The following UNC13C variants were observed in gnomAD, a reference collection of about 807,000 sequenced individuals.
UNC13C encodes the protein unc-13 homolog C.
Under a neutral mutation model 245.4 loss-of-function variants are expected in UNC13C, and 174 were observed. The observed-to-expected ratio is 0.71, with a 90% confidence interval of 0.63 to 0.80. The LOEUF (loss-of-function observed/expected upper bound fraction) is 0.80. Ranked by LOEUF, UNC13C falls within the 30% of genes least tolerant of loss-of-function variation. UNC13C has a pLI of 0.00. For synonymous variants in UNC13C, 992 were observed against 895.1 expected (o/e 1.11, Z -1.93); for missense variants, 2,829 against 2,602.9 (o/e 1.09, Z -1.89).
chr15:54,237,500 C>T, intron 6 of UNC13C, 119 bp from the exon 7 acceptor site: 1 of 784,118 alleles, frequency 1.3e-6, no homozygotes, highest in Non-Finnish European at 2.2e-6. Context: ...ATGGCAGGTC[C>T]TTACTAACTA....
chr15:54,355,936 C>T (rs1038192819), intron 17 of UNC13C, among the ~76,000 whole-genome samples: 3 of 152,070 alleles, frequency 2.0e-5, no homozygotes, highest in Non-Finnish European at 2.9e-5. Flanking sequence ...TATGAAGACA[C>T]GTACACATAC....
chr15:54,507,164 T>C lies in UNC13C; in HGVS notation c.5349T>C (p.Asp1783=), dbSNP rs372435796. 96 of 1,598,218 alleles carry C rather than the reference T, an allele frequency of 6.0e-5. No homozygotes were observed. Among genetic ancestry groups the C allele is most frequent in the Non-Finnish European group, 8.2e-5 (96 of 1,171,294 alleles). The part of the protein sequence containing the change: ...LLQYAAIVSS[D]FSSHCDKENV... ...AGTATGCTGCAATTGTATCAAGTGATTTCAGTTCACATTGTGATAAGGAAA... is the reference window on the plus strand; with the variant it reads ...AGTATGCTGCAATTGTATCAAGTGACTTCAGTTCACATTGTGATAAGGAAA... The change falls in exon 23 of 33, where the codon GAT becomes GAC. Residue 1783 remains aspartate (D), a synonymous_variant. Coordinates refer to ENST00000260323, the MANE Select transcript of UNC13C (RefSeq NM_001080534.3).
At chr15:54,504,636 G>C (rs1044297009) in intron 22 of UNC13C, among the ~76,000 whole-genome samples, 9 of 152,086 alleles carry the variant, frequency 5.9e-5, no homozygotes, top group Non-Finnish European at 1.3e-4. Context: ...ATCTTATGTT[G>C]GATGTGTTAA....
intron 1 of UNC13C, among the ~76,000 whole-genome samples, chr15:54,002,795 C>A (rs117025963): frequency 6.6e-6 from 1 of 152,190 alleles, no homozygotes; most frequent in Non-Finnish European, 1.5e-5. Flanking sequence ...AGGTAAAAGT[C>A]AAATTATTTA....
chr15:53,928,319 C>T, the UNC13C span, among the ~76,000 whole-genome samples: 5 of 152,286 alleles, frequency 3.3e-5, no homozygotes, highest in African/African-American at 1.2e-4. Flanking sequence ...ATAGGTTGGG[C>T]TAGTTAACTG....
At chr15:54,608,392 G>A (rs1899891509) in intron 30 of UNC13C, among the ~76,000 whole-genome samples, 1 of 152,132 alleles carries the variant, frequency 6.6e-6, no homozygotes. Flanking sequence ...TAAAATGATT[G>A]CCCAGAGCAC....
rs947643648 is a variant in UNC13C at position 54,567,842 on chromosome 15, T to C, written c.6001T>C (p.Leu2001=). ...AGGNGLKKNF[L]EKSPDLQSLR... The stretch of plus-strand genomic sequence containing the variant: ...AGGAAATGGCCTGAAAAAGAATTTC[T>C]TGGAGAAAAGCCCAGATCTTCAGTC... Residue 2001 remains leucine, a synonymous_variant, in exon 30 of 33, where the codon TTG becomes CTG. Coordinates refer to ENST00000260323, the MANE Select transcript of UNC13C (RefSeq NM_001080534.3). 1 of 1,605,476 alleles carries C rather than the reference T, an allele frequency of 6.2e-7. No individual in the cohort carries two copies. Among genetic ancestry groups the C allele is most frequent in the South Asian group, 1.1e-5 (1 of 89,492 alleles).
the UNC13C span, among the ~76,000 whole-genome samples, chr15:53,881,104 G>A: frequency 1.3e-5 from 2 of 152,108 alleles, no homozygotes; most frequent in Non-Finnish European, 2.9e-5. Flanking sequence ...TATCATTTAA[G>A]GGCTGCATTA....
At chr15:54,100,415 A>G (rs1456621663) in intron 2 of UNC13C, among the ~76,000 whole-genome samples, 6 of 151,902 alleles carry the variant, frequency 3.9e-5, no homozygotes, top group African/African-American at 1.5e-4. Context: ...CTTTCCTCCT[A>G]CCTCACGGGC....
intron 2 of UNC13C, among the ~76,000 whole-genome samples, chr15:54,021,896 T>C (rs1895917624): frequency 6.6e-6 from 1 of 152,232 alleles, no homozygotes; most frequent in South Asian, 2.1e-4. Context: ...ACATGCTCTA[T>C]ATGTTAAATT....
intron 4 of UNC13C, among the ~76,000 whole-genome samples, chr15:54,192,881 C>T (rs1198871019): frequency 6.7e-6 from 1 of 149,870 alleles, no homozygotes; most frequent in Non-Finnish European, 1.5e-5. Flanking sequence ...CTCTCTCTTT[C>T]TTTCTCTTTC....
chr15:54,605,445 T>A (rs1899716125), intron 30 of UNC13C, among the ~76,000 whole-genome samples: 1 of 152,180 alleles, frequency 6.6e-6, no homozygotes, highest in Non-Finnish European at 1.5e-5. Context: ...CTCTCAAAAA[T>A]ACTCTTTTGT....
chr15:54,400,756 A>AT (rs1327407983), intron 18 of UNC13C, among the ~76,000 whole-genome samples: 3 of 152,146 alleles, frequency 2.0e-5, no homozygotes, highest in East Asian at 1.9e-4. Context: ...GGGTTTTTAT[A>AT]TTTTTTTATT....
chr15:53,884,690 TTGAG>T, the UNC13C span, among the ~76,000 whole-genome samples: 1 of 152,156 alleles, frequency 6.6e-6, no homozygotes, highest in Admixed American at 6.6e-5. Context: ...TTTGAATATA[TTGAG>T]TGAGTGGGAT....
chr15:54,006,382 A>T (rs905769454), intron 1 of UNC13C, among the ~76,000 whole-genome samples: 5 of 152,182 alleles, frequency 3.3e-5, no homozygotes, highest in South Asian at 2.1e-4. Context: ...GTTTGTTTTT[A>T]AAAAATAGTA....
At chr15:54,006,462 AC>A in intron 1 of UNC13C, among the ~76,000 whole-genome samples, 1 of 152,280 alleles carries the variant, frequency 6.6e-6, no homozygotes, top group Admixed American at 6.5e-5. Flanking sequence ...TTTAATATTT[AC>A]TGGTTTATTG....
intron 4 of UNC13C, among the ~76,000 whole-genome samples, chr15:54,185,941 C>T (rs1489618600): frequency 2.6e-5 from 4 of 151,746 alleles, no homozygotes; most frequent in African/African-American, 9.7e-5. Flanking sequence ...CCTCTTTTAT[C>T]TCATTGAGCA....
At chr15:53,967,078 A>G in the UNC13C span, among the ~76,000 whole-genome samples, 2 of 151,962 alleles carry the variant, frequency 1.3e-5, no homozygotes, top group Admixed American at 6.6e-5. Context: ...AGTTTTTCCA[A>G]TACGAATTTG....
intron 19 of UNC13C, among the ~76,000 whole-genome samples, chr15:54,432,275 A>G (rs751829882): frequency 4.2e-4 from 64 of 151,782 alleles, no homozygotes; most frequent in Non-Finnish European, 8.0e-4. Context: ...ACCTGTTAGA[A>G]AAAATGAGTG....
Sources: gnomAD v4.1 joint callset for allele counts (sites outside exome capture counted in the v4.1 genomes callset) on GRCh38, gnomAD v4.1.1 for gene constraint, MANE v1.5 for transcripts, NCBI Gene and HGNC (gene_info 2026-07-23, HGNC 2026-07-21) for gene names.